Variants in TMEM177 observed in about 807,000 individuals in gnomAD.
TMEM177 encodes transmembrane protein 177.
A neutral mutation model predicts 14.2 loss-of-function variants in TMEM177; 4 were observed. That is an observed-to-expected ratio of 0.28 (90% CI 0.14 to 0.64). The LOEUF is 0.64. Ranked by LOEUF, TMEM177 falls within the 30% of genes least tolerant of loss-of-function variation. The pLI is 0.82. For missense variants in TMEM177, 344 were observed against 405.2 expected, an observed-to-expected ratio of 0.85 and a Z score of 1.30; for synonymous variants, 179 against 174.5, an observed-to-expected ratio of 1.03 and a Z score of -0.20.
At chr2:119,687,149 G>C (rs1689028504), downstream of TMEM177, among the ~76,000 whole-genome samples, 1 of 152,084 alleles carries the variant, frequency 6.6e-6, no homozygotes, top group South Asian at 2.1e-4. Context: ...TGTCTTCTTG[G>C]CTTCACATGT....
the TMEM177 span, among the ~76,000 whole-genome samples, chr2:119,699,448 C>T: frequency 2.0e-5 from 3 of 152,170 alleles, no homozygotes; most frequent in Non-Finnish European, 2.9e-5. Context: ...CCCACAGCTA[C>T]GAAAATTCAG....
At chr2:119,703,351 C>T in the TMEM177 span, among the ~76,000 whole-genome samples, 2 of 152,126 alleles carry the variant, frequency 1.3e-5, no homozygotes, top group Admixed American at 1.3e-4. Context: ...CTGAACTCTC[C>T]AAGCCTGTGG....
At chr2:119,705,005 A>T in the TMEM177 span, among the ~76,000 whole-genome samples, 2 of 152,176 alleles carry the variant, frequency 1.3e-5, no homozygotes, top group African/African-American at 4.8e-5. Flanking sequence ...TGAAAAAAGG[A>T]GTGTGAGACA....
the TMEM177 span, among the ~76,000 whole-genome samples, chr2:119,705,693 G>C: frequency 2.0e-5 from 3 of 149,148 alleles, no homozygotes; most frequent in Non-Finnish European, 4.4e-5. Flanking sequence ...ACTTAATCAA[G>C]GGAGTGACAG....
At chr2:119,684,635 T>C (rs921675813), downstream of TMEM177, among the ~76,000 whole-genome samples, 3 of 152,248 alleles carry the variant, frequency 2.0e-5, no homozygotes, top group African/African-American at 7.2e-5. Flanking sequence ...TAAAAGCCTC[T>C]GAGCAATTAC....
At chr2:119,717,605 C>CTTTTTTTT in the TMEM177 span, among the ~76,000 whole-genome samples, 12 of 88,454 alleles carry the variant, frequency 1.4e-4, no homozygotes, top group East Asian at 4.0e-4. Context: ...TGACTTGAGT[C>CTTTTTTTT]TTTTTTTTTT....
the TMEM177 span, among the ~76,000 whole-genome samples, chr2:119,703,212 G>A: frequency 6.6e-6 from 1 of 152,238 alleles, no homozygotes; most frequent in Admixed American, 6.5e-5. Flanking sequence ...TTTTCCTCTA[G>A]AACAGTTCTT....
At chr2:119,706,733 G>C in the TMEM177 span, among the ~76,000 whole-genome samples, 18 of 151,958 alleles carry the variant, frequency 1.2e-4, no homozygotes, top group African/African-American at 4.4e-4. Flanking sequence ...CTCCAGGACC[G>C]GTGAAGCTGC....
downstream of TMEM177, among the ~76,000 whole-genome samples, chr2:119,682,334 T>G (rs1165926094): frequency 1.3e-5 from 2 of 152,084 alleles, no homozygotes; most frequent in African/African-American, 4.8e-5. Context: ...AGGGCACACC[T>G]CAACACCAGG....
At chr2:119,700,706 A>G in the TMEM177 span, among the ~76,000 whole-genome samples, 5 of 152,206 alleles carry the variant, frequency 3.3e-5, no homozygotes, top group East Asian at 1.9e-4. Flanking sequence ...GACCTGGCCT[A>G]TGGTAAAATG....
In TMEM177 at chr2:119,682,038, A is replaced by G. The variant is rs1171329881; in HGVS notation, c.*249A>G. The stretch of plus-strand genomic sequence containing the variant: ...GTGGAGATGATGTAAACCGCCTTGC[A>G]AGATTGTAGAGTTGGGTAAGGTCAT... On this transcript the variant is annotated 3_prime_UTR_variant, in exon 2 of 2. Transcript: ENST00000272521. 4.1e-6 allele frequency: 2 copies of G among 483,942 alleles called. No homozygotes were observed. The highest frequency in any genetic ancestry group is 7.5e-6 in the Non-Finnish European group (2 of 266,120). 30.0% of individuals were successfully genotyped at this position (483,942 alleles called of 1,614,324 possible).
intron 1 of TMEM177, chr2:119,679,684 A>T (rs1436189977): frequency 6.6e-6 from 1 of 152,224 alleles, no homozygotes; most frequent in Non-Finnish European, 1.5e-5. Flanking sequence ...AAGTGATAGG[A>T]TGCCCGGGGA....
At chr2:119,711,090 G>A in the TMEM177 span, among the ~76,000 whole-genome samples, 2 of 152,290 alleles carry the variant, frequency 1.3e-5, no homozygotes, top group South Asian at 2.1e-4. Context: ...GATGAAGACC[G>A]ACCACCCCAC....
At chr2:119,694,344 A>G in the TMEM177 span, among the ~76,000 whole-genome samples, 4 of 151,714 alleles carry the variant, frequency 2.6e-5, no homozygotes, top group African/African-American at 9.7e-5. Flanking sequence ...TCACACACAC[A>G]CACCCACACA....
the TMEM177 span, among the ~76,000 whole-genome samples, chr2:119,720,967 C>T: frequency 6.6e-6 from 1 of 152,162 alleles, no homozygotes; most frequent in Non-Finnish European, 1.5e-5. Flanking sequence ...TCTCCATAAC[C>T]TTCAGGTTTG....
At chr2:119,706,417 C>T in the TMEM177 span, among the ~76,000 whole-genome samples, 1 of 152,196 alleles carries the variant, frequency 6.6e-6, no homozygotes, top group African/African-American at 2.4e-5. Flanking sequence ...AGATTCACTG[C>T]TCAGATGGCC....
chr2:119,692,413 G>A, the TMEM177 span, among the ~76,000 whole-genome samples: 1 of 152,198 alleles, frequency 6.6e-6, no homozygotes, highest in African/African-American at 2.4e-5. Flanking sequence ...CCTGTGGCCC[G>A]AGGAGGGAGC....
chr2:119,694,795 G>T, the TMEM177 span, among the ~76,000 whole-genome samples: 4 of 152,342 alleles, frequency 2.6e-5, no homozygotes, highest in Admixed American at 1.3e-4. Context: ...TTGTGTCAGG[G>T]CAATAAATAA....
chr2:119,699,697 C>T, the TMEM177 span: 1 of 166,258 alleles, frequency 6.0e-6, no homozygotes, highest in Non-Finnish European at 1.3e-5. Context: ...CAAGAGGTCA[C>T]TCCCCCAACA....
Sources: allele counts gnomAD v4.1 joint callset (sites outside exome capture counted in the v4.1 genomes callset), GRCh38; gene constraint gnomAD v4.1.1; transcripts MANE v1.5; gene names NCBI Gene and HGNC (gene_info 2026-07-23, HGNC 2026-07-21).